Variants in PRDM16 observed in about 807,000 individuals in gnomAD.
The protein encoded by PRDM16 is histone-lysine N-methyltransferase PRDM16.
PRDM16 carries 23 observed loss-of-function variants against 110.6 expected under a neutral mutation model. The ratio of observed to expected loss-of-function variants is 0.21; its 90% CI spans 0.15 to 0.29. The LOEUF is 0.29. PRDM16 is among the 10% of genes least tolerant of loss of function. The pLI, the probability that PRDM16 is intolerant of heterozygous loss-of-function variation, is 1.00. For missense variants in PRDM16, 1,615 were observed against 1,794.3 expected, an observed-to-expected ratio of 0.90 and a Z score of 1.81; for synonymous variants, 799 against 781.8, an observed-to-expected ratio of 1.02 and a Z score of -0.37.
Position 3,250,325 on chromosome 1 carries a change from C to G in PRDM16, c.438+6188C>G, listed in dbSNP as rs112635182. ...CGCCACCTCGCCACACCTGAACTTG[C>G]CCCCTGGGGTAGGGCGGTCCCGCAG... On this transcript the variant is annotated intron_variant, in intron 3 of 16. Coordinates refer to ENST00000270722, the MANE Select transcript of PRDM16 (RefSeq NM_022114.4). 1.8e-3 allele frequency among the ~76,000 whole-genome samples: 276 copies of G among 152,284 alleles called. 1 individual carries two copies. Among genetic ancestry groups the G allele is most frequent in the African/African-American group, 6.4e-3 (268 of 41,552 alleles).
Position 3,181,540 on chromosome 1 carries a change from GGTCTT to G in PRDM16, c.38-4584_38-4580del, listed in dbSNP as rs1644188262. On this transcript the variant is annotated intron_variant, in intron 1 of 16. Transcript: ENST00000270722. ...GTCTTACACAAGCGGTCTTACACAC[GGTCTT>G]ACACACGCAGTCTTACACACGCAGT... 1.6e-4 allele frequency among the ~76,000 whole-genome samples: 6 copies of G among 36,442 alleles called. 2 individuals are homozygous for G. The highest frequency in any genetic ancestry group is 6.7e-4 in the African/African-American group (6 of 8,984). 23.9% of individuals were successfully genotyped at this position (36,442 alleles called of 152,430 possible).
At chr1:3,139,780 C>T (rs769414915) in intron 1 of PRDM16, among the ~76,000 whole-genome samples, 5 of 152,224 alleles carry the variant, frequency 3.3e-5, no homozygotes, top group East Asian at 3.9e-4. Flanking sequence ...GAGCTGCTCC[C>T]GTCAAAGGGA....
intron 2 of PRDM16, among the ~76,000 whole-genome samples, chr1:3,231,561 C>A (rs1639417084): frequency 6.6e-6 from 1 of 152,220 alleles, no homozygotes; most frequent in African/African-American, 2.4e-5. Flanking sequence ...TGGCTTGGGG[C>A]CCAGGATTAT....
chr1:3,185,705 C>G (rs1055824231), intron 1 of PRDM16, among the ~76,000 whole-genome samples: 3 of 152,266 alleles, frequency 2.0e-5, no homozygotes, highest in Non-Finnish European at 2.9e-5. Context: ...ATTTCACCAT[C>G]AGCCAGCCCT....
At chr1:3,147,089 C>A in intron 1 of PRDM16, among the ~76,000 whole-genome samples, 1 of 130,668 alleles carries the variant, frequency 7.7e-6, no homozygotes, top group East Asian at 2.4e-4. Flanking sequence ...TGTGTGCGCT[C>A]GGTGTGGGGT....
At chr1:3,200,176 C>G (rs189374502) in intron 2 of PRDM16, among the ~76,000 whole-genome samples, 41 of 152,352 alleles carry the variant, frequency 2.7e-4, no homozygotes, top group Admixed American at 3.9e-4. Flanking sequence ...GGCAGAGACT[C>G]TCCTCACAGC....
intron 1 of PRDM16, among the ~76,000 whole-genome samples, chr1:3,136,206 G>C (rs1447697171): frequency 6.6e-6 from 1 of 152,214 alleles, no homozygotes; most frequent in Non-Finnish European, 1.5e-5. Flanking sequence ...ATAGGGTTGG[G>C]GGCCTGGGGC....
chr1:3,141,464 T>A (rs1016647880), intron 1 of PRDM16, among the ~76,000 whole-genome samples: 3 of 152,216 alleles, frequency 2.0e-5, no homozygotes, highest in Non-Finnish European at 4.4e-5. Context: ...TCAGACATCA[T>A]CTCCAAGGCT....
intron 1 of PRDM16, among the ~76,000 whole-genome samples, chr1:3,147,600 A>G (rs1380198854): frequency 2.0e-5 from 3 of 152,142 alleles, no homozygotes; most frequent in African/African-American, 7.2e-5. Context: ...TGAGACCCCA[A>G]ATCTTGACCT....
chr1:3,238,172 T>C (rs1028290248), intron 2 of PRDM16: 1 of 152,152 alleles, frequency 6.6e-6, no homozygotes, highest in Non-Finnish European at 1.5e-5. Context: ...CAACCCCTGA[T>C]GACAGGGCCC....
chr1:3,111,652 C>T (rs1447831198), intron 1 of PRDM16, among the ~76,000 whole-genome samples: 2 of 152,042 alleles, frequency 1.3e-5, no homozygotes, highest in Non-Finnish European at 2.9e-5. Flanking sequence ...GGCGCACGCC[C>T]CCTGGGGCGG....
intron 1 of PRDM16, among the ~76,000 whole-genome samples, chr1:3,149,107 G>A (rs1055642544): frequency 1.3e-5 from 2 of 152,206 alleles, no homozygotes; most frequent in African/African-American, 4.8e-5. Flanking sequence ...AGCTGGGAGA[G>A]ATGGAAACAG....
intron 2 of PRDM16, among the ~76,000 whole-genome samples, chr1:3,219,250 A>G (rs367793408): frequency 1.1e-4 from 17 of 152,372 alleles, no homozygotes; most frequent in African/African-American, 3.6e-4. Context: ...CTGCAGTTGG[A>G]CCAGGCTGAC....
At chr1:3,118,089 ATG>A (rs988330951) in intron 1 of PRDM16, among the ~76,000 whole-genome samples, 2 of 145,620 alleles carry the variant, frequency 1.4e-5, no homozygotes, top group African/African-American at 5.1e-5. Context: ...GTGCATGTGT[ATG>A]TGTGTACATG....
intron 3 of PRDM16, among the ~76,000 whole-genome samples, chr1:3,349,937 C>A (rs1357806209): frequency 6.6e-6 from 1 of 151,934 alleles, no homozygotes; most frequent in Admixed American, 6.6e-5. Flanking sequence ...CCTCCCACCT[C>A]TTGAAAGCAG....
At chr1:3,172,629 G>A (rs111474150) in intron 1 of PRDM16, among the ~76,000 whole-genome samples, 3 of 152,322 alleles carry the variant, frequency 2.0e-5, no homozygotes, top group Admixed American at 6.5e-5. Context: ...GGAAGGAAAC[G>A]GCGACACACG....
intron 3 of PRDM16, among the ~76,000 whole-genome samples, chr1:3,321,933 G>C (rs112351237): frequency 2.0e-5 from 3 of 151,718 alleles, no homozygotes; most frequent in African/African-American, 7.3e-5. Context: ...ACACATATGC[G>C]TGTATGTTTG....
intron 3 of PRDM16, among the ~76,000 whole-genome samples, chr1:3,347,641 G>T (rs1354418305): frequency 6.6e-6 from 1 of 152,234 alleles, no homozygotes; most frequent in East Asian, 1.9e-4. Flanking sequence ...CCTGCCCCAG[G>T]TCCCACTTTG....
At chr1:3,355,952 A>AT (rs1642588032) in intron 3 of PRDM16, among the ~76,000 whole-genome samples, 1 of 152,030 alleles carries the variant, frequency 6.6e-6, no homozygotes, top group Admixed American at 6.5e-5. Context: ...AATGTGAGCA[A>AT]AGACGCCTTT....
Sources: allele counts gnomAD v4.1 joint callset (sites outside exome capture counted in the v4.1 genomes callset), GRCh38; gene constraint gnomAD v4.1.1; transcripts MANE v1.5; gene names NCBI Gene and HGNC (gene_info 2026-07-23, HGNC 2026-07-21).